Variants in NR3C2 observed in about 807,000 individuals in gnomAD.
NR3C2 encodes mineralocorticoid receptor.
A neutral mutation model predicts 86.4 loss-of-function variants in NR3C2; 15 were observed. The ratio of observed to expected loss-of-function variants is 0.17; its 90% CI spans 0.12 to 0.27. NR3C2 has a LOEUF of 0.27. Ranked by LOEUF, NR3C2 falls within the 10% of genes least tolerant of loss-of-function variation. NR3C2 has a pLI of 1.00. For missense variants in NR3C2, 960 were observed against 1,195.6 expected, an observed-to-expected ratio of 0.80 and a Z score of 2.91; for synonymous variants, 458 against 450.5, an observed-to-expected ratio of 1.02 and a Z score of -0.21.
intron 2 of NR3C2, among the ~76,000 whole-genome samples, chr4:148,390,184 T>TAA (rs11320471): frequency 2.2e-5 from 3 of 133,896 alleles, no homozygotes; most frequent in South Asian, 2.4e-4. Context: ...ATACATTCCT[T>TAA]AAAAAAAAAA....
chr4:148,433,342 G>A (rs879266298), intron 2 of NR3C2, among the ~76,000 whole-genome samples: 1 of 152,100 alleles, frequency 6.6e-6, no homozygotes, highest in African/African-American at 2.4e-5. Flanking sequence ...CAAAGGTATA[G>A]TGCATAATCA....
chr4:148,247,039 G>A (rs1438596763), intron 3 of NR3C2, among the ~76,000 whole-genome samples: 1 of 152,004 alleles, frequency 6.6e-6, no homozygotes, highest in East Asian at 1.9e-4. Context: ...ATCTTTGATA[G>A]TTAAAAAAAG....
intron 2 of NR3C2, among the ~76,000 whole-genome samples, chr4:148,365,671 G>A (rs888493492): frequency 2.6e-5 from 4 of 152,150 alleles, no homozygotes; most frequent in African/African-American, 9.7e-5. Context: ...TTACAGTAGT[G>A]ATGAACTTAA....
chr4:148,085,125 GAACTC>G (rs1415363736), intron 8 of NR3C2, among the ~76,000 whole-genome samples: 6 of 152,144 alleles, frequency 3.9e-5, no homozygotes, highest in Admixed American at 2.6e-4. Context: ...TTCAGGACTT[GAACTC>G]AGCTCTGGAC....
At chr4:148,433,125 T>C (rs1382993825) in intron 2 of NR3C2, among the ~76,000 whole-genome samples, 1 of 152,134 alleles carries the variant, frequency 6.6e-6, no homozygotes, top group Admixed American at 6.6e-5. Context: ...CTAACATGTC[T>C]AAGGCTATGC....
Position 148,180,233 on chromosome 4 carries a change from C to T in NR3C2, c.2014+14513G>A, listed in dbSNP as rs554998885. Among the ~76,000 whole-genome samples the T allele has an allele frequency of 7.1e-4, 108 of 151,874 alleles. 3 individuals are homozygous for T. The South Asian group carries it at 0.018, about 25-fold the overall frequency. On this transcript the variant is annotated intron_variant, in intron 4 of 8. Transcript: ENST00000358102. ...CCAACTAGTTGTAACAAGTTGCTGGCAGGTAAAGCCAATTTTCTTCAAGTA... is the reference window on the plus strand; with the variant it reads ...CCAACTAGTTGTAACAAGTTGCTGGTAGGTAAAGCCAATTTTCTTCAAGTA...
intron 8 of NR3C2, among the ~76,000 whole-genome samples, chr4:148,092,176 C>G (rs1298910240): frequency 6.6e-6 from 1 of 152,204 alleles, no homozygotes; most frequent in East Asian, 1.9e-4. Context: ...TCACCTCTTC[C>G]CCGCAGGCCT....
chr4:148,089,433 C>G (rs994458320), intron 8 of NR3C2, among the ~76,000 whole-genome samples: 3 of 152,208 alleles, frequency 2.0e-5, no homozygotes, highest in Non-Finnish European at 1.5e-5. Context: ...ATGAGTGACT[C>G]AGGTAAAGTG....
chr4:148,395,115 T>C (rs1264047214), intron 2 of NR3C2, among the ~76,000 whole-genome samples: 5 of 151,994 alleles, frequency 3.3e-5, no homozygotes, highest in African/African-American at 4.8e-5. Context: ...AAAAATAGGA[T>C]ATGTACTTAA....
In NR3C2 at chr4:148,105,340, C is replaced by A. The variant is rs111864081; in HGVS notation, c.2799+8764G>T. On this transcript the variant is annotated intron_variant, in intron 8 of 8. Transcript: ENST00000358102. ...TACCTTCTCAAGACTATATTGAATC[C>A]CTGAATAGACCAATAACTAGTTCTG... Among the ~76,000 whole-genome samples the A allele has an allele frequency of 4.2e-3, 645 of 152,034 alleles. 5 individuals are homozygous for A. Among genetic ancestry groups the A allele is most frequent in the African/African-American group, 0.015 (616 of 41,484 alleles).
intron 2 of NR3C2, among the ~76,000 whole-genome samples, chr4:148,393,248 T>C (rs563405957): frequency 6.6e-6 from 1 of 152,306 alleles, no homozygotes. Flanking sequence ...TAAAGTACAG[T>C]CATTTTTCAA....
intron 2 of NR3C2, among the ~76,000 whole-genome samples, chr4:148,427,642 G>C (rs752892788): frequency 6.6e-6 from 1 of 151,958 alleles, no homozygotes; most frequent in Non-Finnish European, 1.5e-5. Context: ...GCCATAGAAA[G>C]GGGGGGTGTC....
intron 2 of NR3C2, among the ~76,000 whole-genome samples, chr4:148,325,741 G>T (rs1273384971): frequency 6.6e-6 from 1 of 152,144 alleles, no homozygotes; most frequent in East Asian, 1.9e-4. Context: ...TTTCCCCAAT[G>T]ACTGTATCAA....
intron 3 of NR3C2, among the ~76,000 whole-genome samples, chr4:148,207,748 G>A (rs1398838761): frequency 6.6e-6 from 1 of 152,116 alleles, no homozygotes; most frequent in African/African-American, 2.4e-5. Flanking sequence ...CTTTATCCAT[G>A]AGGGACATGT....
chr4:148,424,082 A>C (rs529802316), intron 2 of NR3C2, among the ~76,000 whole-genome samples: 2 of 152,380 alleles, frequency 1.3e-5, no homozygotes, highest in African/African-American at 4.8e-5. Context: ...GTTTACAATA[A>C]GGTACATTGA....
intron 2 of NR3C2, among the ~76,000 whole-genome samples, chr4:148,365,925 T>C (rs536518043): frequency 1.3e-5 from 2 of 152,158 alleles, no homozygotes; most frequent in South Asian, 4.1e-4. Flanking sequence ...AGCTCACCAA[T>C]TTATAAGACA....
chr4:148,262,563 T>A (rs1740175595), intron 2 of NR3C2, among the ~76,000 whole-genome samples: 1 of 152,196 alleles, frequency 6.6e-6, no homozygotes, highest in African/African-American at 2.4e-5. Flanking sequence ...GCAACTACTA[T>A]GGATGGAACT....
intron 2 of NR3C2, among the ~76,000 whole-genome samples, chr4:148,337,362 C>T (rs1263473671): frequency 6.6e-6 from 1 of 152,098 alleles, no homozygotes; most frequent in Non-Finnish European, 1.5e-5. Flanking sequence ...TCTTCCCTTT[C>T]AAACCTAAGT....
chr4:148,205,998 A>G (rs1736986248), intron 3 of NR3C2, among the ~76,000 whole-genome samples: 1 of 152,166 alleles, frequency 6.6e-6, no homozygotes, highest in African/African-American at 2.4e-5. Context: ...TTGTTAGACC[A>G]TATGACACAG....
Sources: gnomAD v4.1 joint callset for allele counts (sites outside exome capture counted in the v4.1 genomes callset) on GRCh38, gnomAD v4.1.1 for gene constraint, MANE v1.5 for transcripts, NCBI Gene and HGNC (gene_info 2026-07-23, HGNC 2026-07-21) for gene names.